Variants in PRPF40B observed in about 807,000 individuals in gnomAD.
PRPF40B encodes the protein pre-mRNA processing factor 40B.
Under a neutral mutation model 124.5 loss-of-function variants are expected in PRPF40B, and 56 were observed. That is an observed-to-expected ratio of 0.45 (90% CI 0.36 to 0.56). The LOEUF is 0.56. Ranked by LOEUF, PRPF40B falls within the 20% of genes least tolerant of loss-of-function variation. PRPF40B has a pLI of 0.00. For missense variants in PRPF40B, 1,053 were observed against 1,169.5 expected (o/e 0.90, Z 1.45); for synonymous variants, 443 against 426.4 (o/e 1.04, Z -0.48).
intron 1 of PRPF40B, among the ~76,000 whole-genome samples, chr12:49,628,652 C>T (rs1051112684): frequency 2.0e-5 from 3 of 151,702 alleles, no homozygotes; most frequent in Admixed American, 6.6e-5. Flanking sequence ...CTGCAAACTC[C>T]GCCTCCTGGG....
chr12:49,626,856 G>C (rs1940765411), intron 1 of PRPF40B, among the ~76,000 whole-genome samples: 1 of 152,110 alleles, frequency 6.6e-6, no homozygotes, highest in African/African-American at 2.4e-5. Flanking sequence ...ATTGGATCCA[G>C]TCCCAGTTCT....
rs764921485 is a variant in PRPF40B at position 49,633,678 on chromosome 12, C to T, written c.605+17C>T. 6.2e-7 allele frequency: 1 copy of T among 1,614,120 alleles called. No homozygotes were observed. The highest frequency in any genetic ancestry group is 1.3e-5 in the African/African-American group (1 of 75,042). ...GGCTGCAGGGTGAGTGACTTGCCCA[C>T]CTATCCATTTATAGTTGGGGCACCT... is the stretch of plus-strand genomic sequence containing the variant. On this transcript the variant is annotated intron_variant, in intron 9 of 25. Transcript: ENST00000548825.
chr12:49,632,593 C>T lies in PRPF40B; in HGVS notation c.295-3C>T, dbSNP rs1394192020. On this transcript the variant is annotated splice_region_variant and splice_polypyrimidine_tract_variant and intron_variant, in intron 4 of 25. Coordinates refer to ENST00000548825, the MANE Select transcript of PRPF40B (RefSeq NM_001031698.3). ...ACCCTTCCCCCTCCTCTTTCTTCGG[C>T]AGACGGCTCCGGGTGCGGACACCGC... is the stretch of plus-strand genomic sequence containing the variant. The T allele has an allele frequency of 6.2e-7, 1 of 1,613,582 alleles. No individual in the cohort carries two copies. Among genetic ancestry groups the T allele is most frequent in the Non-Finnish European group, 8.5e-7 (1 of 1,179,906 alleles).
chr12:49,628,197 A>T (rs1264662442), intron 1 of PRPF40B, among the ~76,000 whole-genome samples: 2 of 152,238 alleles, frequency 1.3e-5, no homozygotes, highest in African/African-American at 4.8e-5. Context: ...GATGAGTCAC[A>T]TTGGAGAGGT....
intron 18 of PRPF40B, chr12:49,641,312 G>C (rs1256966617): frequency 6.6e-6 from 1 of 152,176 alleles, no homozygotes; most frequent in Admixed American, 6.5e-5. Flanking sequence ...GACACTTTGG[G>C]GATAGAGAGC....
chr12:49,637,340 C>A, intron 16 of PRPF40B, 130 bp from the exon 17 acceptor site: 2 of 642,502 alleles, frequency 3.1e-6, no homozygotes, highest in Non-Finnish European at 2.8e-6. Flanking sequence ...TTCATCTCTG[C>A]CTCTCTTGCC....
intron 4 of PRPF40B, 154 bp downstream of exon 4, chr12:49,632,079 G>T: frequency 2.7e-6 from 2 of 743,758 alleles, no homozygotes; most frequent in Admixed American, 4.0e-5. Flanking sequence ...CTTCTCGCCA[G>T]CCATGTACTC....
rs1215185450 is a variant in PRPF40B at position 49,643,732 on chromosome 12, A to G, written c.2422A>G (p.Lys808Glu). Residue 808 changes from lysine to glutamate, a missense_variant, in exon 24 of 26, where the codon AAG becomes GAG. Around this residue, in one of 2 missense-constraint regions of PRPF40B, gnomAD observed 895 missense variants for 1,052.2 expected, o/e 0.85. Coordinates refer to ENST00000548825, the MANE Select transcript of PRPF40B (RefSeq NM_001031698.3). ...AGCCAAGAAACCAAAAAAGAAAACT[A>G]AGAAGAGAAGACACAAGTCGGTGAG... Reference protein sequence around the residue: ...RKAKKPKKKTKKRRHKSNSPE... With the variant: ...RKAKKPKKKTEKRRHKSNSPE... The G allele has an allele frequency of 5.0e-6, 8 of 1,613,996 alleles. No individual in the cohort carries two copies. Among genetic ancestry groups the G allele is most frequent in the African/African-American group, 4.0e-5 (3 of 74,920 alleles).
At position 49,634,461 on chromosome 12, in the gene PRPF40B, G is replaced by A. The variant is rs377743574; in HGVS notation, c.936+6G>A. 43 of 1,614,056 alleles carry A rather than the reference G, an allele frequency of 2.7e-5. No homozygotes were observed. Among genetic ancestry groups the A allele is most frequent in the Non-Finnish European group, 3.4e-5 (40 of 1,179,980 alleles). On this transcript the variant is annotated splice_donor_region_variant and intron_variant, in intron 11 of 25. Transcript: ENST00000548825. ...AGGAACTGCTGAGGGACAAGGTGCT[G>A]GAGTGGGGCTCCCAGGGAAGGTTTG...
rs1432626809 is a variant in PRPF40B, at chr12:49,643,975, T to A, written c.2557T>A (p.Ser853Thr). 1 of 1,614,172 alleles carries A rather than the reference T, an allele frequency of 6.2e-7. No individual in the cohort carries two copies. Among genetic ancestry groups the A allele is most frequent in the Non-Finnish European group, 8.5e-7 (1 of 1,180,026 alleles). The change falls in exon 25 of 26, where the codon TCC becomes ACC. Residue 853 changes from serine to threonine, a missense_variant. Transcript: ENST00000548825. The stretch of plus-strand genomic sequence containing the variant: ...CCAACAGGCAGAGCTCCCTAACCGT[T>A]CCCCAGGCTTTGGAATCAAGAAGGA... ...ELQQAELPNRSPGFGIKKEKT... is the reference protein window; with the variant it reads ...ELQQAELPNRTPGFGIKKEKT...
intron 16 of PRPF40B, chr12:49,637,209 C>A: frequency 1.7e-6 from 1 of 574,206 alleles, no homozygotes; most frequent in Non-Finnish European, 3.1e-6. Context: ...GGGGTTACTG[C>A]AGGCAGGTTT....
intron 5 of PRPF40B, 78 bp downstream of exon 5, chr12:49,632,701 C>T (rs1941343439): frequency 1.3e-6 from 2 of 1,597,612 alleles, no homozygotes; most frequent in Admixed American, 3.4e-5. Context: ...GGACTGGAGC[C>T]CACCCTGGAT....
chr12:49,632,995 T>C lies in PRPF40B; in HGVS notation c.349-19T>C. On this transcript the variant is annotated intron_variant, in intron 6 of 25. Coordinates refer to ENST00000548825, the MANE Select transcript of PRPF40B (RefSeq NM_001031698.3). The stretch of plus-strand genomic sequence containing the variant: ...AAAAGGGGCCTTGACCACCATTCTG[T>C]GCCCCCCCCCCCACCCAGAGGGCCC... 7.3e-7 allele frequency: 1 copy of C among 1,365,458 alleles called. No individual in the cohort carries two copies. Among genetic ancestry groups the C allele is most frequent in the Non-Finnish European group, 1.0e-6 (1 of 979,276 alleles). The allele number at this position is 1,365,458 out of a possible 1,614,324, so 84.6% of individuals were successfully genotyped here. A position where few individuals can be genotyped will look rare whatever the true frequency, so the allele number is the denominator to read the frequency against.
rs765172164 is a variant in PRPF40B, at chr12:49,633,619, TATC to T, written c.581-17_581-15del. ...CTATTGCCCCTGTGACTGACTGTGT[TATC>T]TTTTCCCATCACAGTTCTAGTCAAA... On this transcript the variant is annotated splice_polypyrimidine_tract_variant and intron_variant, in intron 8 of 25. Transcript: ENST00000548825. The T allele has an allele frequency of 2.5e-6, 4 of 1,614,240 alleles. No homozygotes were observed. Among genetic ancestry groups the T allele is most frequent in the Non-Finnish European group, 3.4e-6 (4 of 1,180,036 alleles).
chr12:49,631,860 A>T lies in PRPF40B; in HGVS notation c.229A>T (p.Ile77Leu). Residue 77 changes from isoleucine to leucine, a missense_variant and splice_region_variant, in exon 4 of 26, where the codon ATA becomes TTA. Transcript: ENST00000548825. This position sits in a 1 kb window ranked among gnomAD's most constrained non-coding sequence, Gnocchi z 4.3. ...PMGAPPPLTQ[I>L]PGMVPPMMPG... Reference sequence around the variant, plus strand: ...GTTTCTGTCTTCTTTGTATCCATAGATACCAGGAATGGTACCTCCGATGAT... The same window carrying T: ...GTTTCTGTCTTCTTTGTATCCATAGTTACCAGGAATGGTACCTCCGATGAT... The T allele has an allele frequency of 6.2e-7, 1 of 1,613,706 alleles. No individual in the cohort carries two copies. The highest frequency in any genetic ancestry group is 1.1e-5 in the South Asian group (1 of 91,068).
At chr12:49,637,615 C>T (rs374757667) in intron 17 of PRPF40B, 31 bp downstream of exon 17, 1,305 of 1,595,098 alleles carry the variant, frequency 8.2e-4, no homozygotes, top group Non-Finnish European at 1.0e-3. Flanking sequence ...CTTCTCTGGC[C>T]TGGCTTCCTG....
In PRPF40B at chr12:49,632,882, T is replaced by A. The variant is rs1450720717; in HGVS notation, c.348+2T>A. On this transcript the variant is annotated splice_donor_variant, in intron 6 of 25. Coordinates refer to ENST00000548825, the MANE Select transcript of PRPF40B (RefSeq NM_001031698.3). LOFTEE classifies it high-confidence loss of function. ...GCTGTGGCTGGGACAGGCCCTCCGG[T>A]GAGTTCTTCCAGCTCAGGGGTCTCT... 6.2e-7 allele frequency: 1 copy of A among 1,613,556 alleles called. No individual in the cohort carries two copies. The highest frequency in any genetic ancestry group is 8.5e-7 in the Non-Finnish European group (1 of 1,180,006).
chr12:49,623,750 G>A lies in PRPF40B; in HGVS notation c.3+157G>A, dbSNP rs1457106691. The A allele has an allele frequency of 2.6e-3, 3,150 of 1,198,154 alleles. 13 individuals carry two copies. The highest frequency in any genetic ancestry group is 3.1e-3 in the Non-Finnish European group (2,991 of 964,456). 74.2% of individuals were successfully genotyped at this position (1,198,154 alleles called of 1,614,324 possible). A position where few individuals can be genotyped will look rare whatever the true frequency, so the allele number is the denominator to read the frequency against. On this transcript the variant is annotated intron_variant, in intron 1 of 25. Coordinates refer to ENST00000548825, the MANE Select transcript of PRPF40B (RefSeq NM_001031698.3). ...GGGTGAGGGAAGAGAGCCCGGGAGG[G>A]GGGATGGGGGCGGGGACTGGGGGCG...
At chr12:49,637,411 C>A in intron 16 of PRPF40B, 59 bp from the exon 17 acceptor site, 1 of 1,177,756 alleles carries the variant, frequency 8.5e-7, no homozygotes, top group Non-Finnish European at 1.3e-6. Context: ...TCTTCCCCCT[C>A]AGTCTGTGGC....
Sources: allele counts gnomAD v4.1 joint callset (sites outside exome capture counted in the v4.1 genomes callset), GRCh38; gene constraint gnomAD v4.1.1; regional missense constraint gnomAD v4.1.1; non-coding constraint Gnocchi (gnomAD v3.1); transcripts MANE v1.5; gene names NCBI Gene and HGNC (gene_info 2026-07-23, HGNC 2026-07-21).